Variants in SLC7A2 observed in about 807,000 individuals in gnomAD.
SLC7A2 encodes the protein cationic amino acid transporter 2.
Under a neutral mutation model 58.9 loss-of-function variants are expected in SLC7A2, and 48 were observed. The ratio of observed to expected loss-of-function variants is 0.82; its 90% CI spans 0.65 to 1.04. SLC7A2 has a LOEUF of 1.04. SLC7A2 is among the 50% of genes least tolerant of loss of function. The probability of loss-of-function intolerance (pLI) is 0.00; values close to 1 mark genes in which losing one functional copy is unlikely to be tolerated. For missense variants in SLC7A2, 1,029 were observed against 818.8 expected (o/e 1.26, Z -3.13); for synonymous variants, 363 against 314.5 (o/e 1.15, Z -1.63).
At chr8:17,543,761 G>T (rs939591831) in intron 3 of SLC7A2, 46 bp downstream of exon 3, 1 of 1,490,698 alleles carries the variant, frequency 6.7e-7, no homozygotes, top group Non-Finnish European at 9.0e-7. Flanking sequence ...GGAAGAAATC[G>T]CAGCCCTGAG....
intron 2 of SLC7A2, among the ~76,000 whole-genome samples, chr8:17,534,168 T>C (rs923578419): frequency 6.6e-6 from 1 of 152,154 alleles, no homozygotes; most frequent in East Asian, 1.9e-4. Flanking sequence ...CTATTATTGA[T>C]GGGCACAGGC....
At chr8:17,496,757 A>G (rs1205806783), upstream of SLC7A2, among the ~76,000 whole-genome samples, 1 of 152,182 alleles carries the variant, frequency 6.6e-6, no homozygotes, top group Admixed American at 6.5e-5. Context: ...CCCCACTTAG[A>G]ACTCTGCTTA....
chr8:17,535,582 A>G (rs1261006872), intron 2 of SLC7A2, among the ~76,000 whole-genome samples: 1 of 152,182 alleles, frequency 6.6e-6, no homozygotes, highest in Non-Finnish European at 1.5e-5. Flanking sequence ...GGGGGAACGA[A>G]TAAAGTAGTG....
At chr8:17,518,758 C>G (rs768536009) in intron 2 of SLC7A2, among the ~76,000 whole-genome samples, 6 of 152,130 alleles carry the variant, frequency 3.9e-5, no homozygotes, top group Non-Finnish European at 7.4e-5. Flanking sequence ...TTTTGTCTGA[C>G]ATTGTCCTGA....
chr8:17,526,170 A>T (rs987185727), intron 2 of SLC7A2, among the ~76,000 whole-genome samples: 2 of 152,210 alleles, frequency 1.3e-5, no homozygotes, highest in African/African-American at 4.8e-5. Flanking sequence ...TGAGTTAGGA[A>T]CAAGAGGGGA....
chr8:17,549,936 C>T (rs1239043844), intron 5 of SLC7A2, among the ~76,000 whole-genome samples: 2 of 152,158 alleles, frequency 1.3e-5, no homozygotes, highest in Non-Finnish European at 2.9e-5. Flanking sequence ...AGAATGAATT[C>T]TCCTAAGAAT....
chr8:17,520,739 A>G (rs761112425), intron 2 of SLC7A2: 5 of 940,548 alleles, frequency 5.3e-6, no homozygotes, highest in Non-Finnish European at 6.3e-6. Context: ...GGGAGATGAG[A>G]AGGACCTTGA....
rs74780410 is a variant in SLC7A2 at position 17,538,645 on chromosome 8, A to G, written c.-22-4673A>G. 1,408 of 605,880 alleles carry G rather than the reference A, an allele frequency of 2.3e-3. 23 individuals carry two copies. In the African/African-American group the frequency reaches 0.025, roughly 11 times the overall value. 37.5% of individuals were successfully genotyped at this position (605,880 alleles called of 1,614,324 possible). On this transcript the variant is annotated intron_variant, in intron 2 of 12. Coordinates refer to ENST00000494857, the MANE Select transcript of SLC7A2 (RefSeq NM_001370338.1). ...ATTTAACCCACGTTATAATTTGAAA[A>G]TTTATCTTGGAACTTTAACATTGTA...
chr8:17,554,785 C>T (rs1472535250), intron 8 of SLC7A2, 86 bp downstream of exon 8: 4 of 1,408,122 alleles, frequency 2.8e-6, no homozygotes, highest in African/African-American at 1.6e-5. Context: ...AGGTGGTTTT[C>T]TTTTTTGATT....
intron 10 of SLC7A2, among the ~76,000 whole-genome samples, chr8:17,561,230 A>T (rs543815078): frequency 6.6e-6 from 1 of 152,274 alleles, no homozygotes; most frequent in Admixed American, 6.5e-5. Context: ...GTAAAGACAT[A>T]CCCAAGACTG....
intron 8 of SLC7A2, chr8:17,555,097 CTT>C (rs750678166): frequency 6.2e-7 from 1 of 1,612,436 alleles, no homozygotes; most frequent in South Asian, 1.1e-5. Context: ...GCTTTACAAA[CTT>C]AGGTTTCTTG....
intron 2 of SLC7A2, among the ~76,000 whole-genome samples, chr8:17,516,578 A>T (rs1055542453): frequency 5.3e-5 from 8 of 152,308 alleles, no homozygotes; most frequent in Non-Finnish European, 1.0e-4. Context: ...ACTTGTCCAA[A>T]GACACATGGG....
chr8:17,506,142 G>T (rs1485677639), intron 2 of SLC7A2, among the ~76,000 whole-genome samples: 4 of 152,144 alleles, frequency 2.6e-5, no homozygotes, highest in South Asian at 4.1e-4. Context: ...ACTTGTGTCT[G>T]TACAATTCAT....
At chr8:17,512,649 A>C (rs117465236) in intron 2 of SLC7A2, among the ~76,000 whole-genome samples, 16 of 152,066 alleles carry the variant, frequency 1.1e-4, no homozygotes, top group Non-Finnish European at 1.8e-4. Context: ...TTAAAATCGC[A>C]GTTAGTAGAC....
chr8:17,522,695 C>G (rs1232772741), intron 2 of SLC7A2, among the ~76,000 whole-genome samples: 1 of 151,588 alleles, frequency 6.6e-6, no homozygotes, highest in East Asian at 1.9e-4. Flanking sequence ...TAGCTAATAG[C>G]TAGTGAGGGA....
At chr8:17,494,299 T>C (rs1208856100), upstream of SLC7A2, among the ~76,000 whole-genome samples, 2 of 152,162 alleles carry the variant, frequency 1.3e-5, no homozygotes, top group African/African-American at 4.8e-5. Context: ...AAAAGTCCCT[T>C]AAAATTCCCC....
At chr8:17,537,855 T>C (rs1801740961) in intron 2 of SLC7A2, among the ~76,000 whole-genome samples, 1 of 152,198 alleles carries the variant, frequency 6.6e-6, no homozygotes, top group Non-Finnish European at 1.5e-5. Flanking sequence ...GTTACCAAGG[T>C]GCTGAGGGCT....
intron 2 of SLC7A2, among the ~76,000 whole-genome samples, chr8:17,525,014 A>G (rs1801168338): frequency 6.6e-6 from 1 of 152,158 alleles, no homozygotes; most frequent in African/African-American, 2.4e-5. Flanking sequence ...CTGCATCTAG[A>G]CAGAGTTGTA....
chr8:17,549,073 G>T (rs1585249233), intron 5 of SLC7A2, among the ~76,000 whole-genome samples: 1 of 152,132 alleles, frequency 6.6e-6, no homozygotes, highest in Non-Finnish European at 1.5e-5. Flanking sequence ...GAGAGAACTT[G>T]TGCAGGGAAA....
Sources: gnomAD v4.1 joint callset for allele counts (sites outside exome capture counted in the v4.1 genomes callset) on GRCh38, gnomAD v4.1.1 for gene constraint, MANE v1.5 for transcripts, NCBI Gene and HGNC (gene_info 2026-07-23, HGNC 2026-07-21) for gene names.